The following NRXN3 variants were observed in gnomAD, a reference collection of about 807,000 sequenced individuals.
The protein encoded by NRXN3 is neurexin 3.
In NRXN3, 32 loss-of-function variants were observed where a neutral mutation model predicts 137.6. That is an observed-to-expected ratio of 0.23 (90% confidence interval 0.18 to 0.31). The LOEUF (loss-of-function observed/expected upper bound fraction) is 0.31. NRXN3 is among the 10% of genes least tolerant of loss of function. The pLI is 1.00. For missense variants in NRXN3, 1,574 were observed against 2,062.5 expected (o/e 0.76, Z 4.59); for synonymous variants, 798 against 784.5 (o/e 1.02, Z -0.29).
At chr14:79,379,821 C>T (rs894197351) in intron 15 of NRXN3, among the ~76,000 whole-genome samples, 1 of 152,158 alleles carries the variant, frequency 6.6e-6, no homozygotes, top group Admixed American at 6.5e-5. Context: ...TTTCCAATTT[C>T]TGCCAATAAA....
intron 15 of NRXN3, among the ~76,000 whole-genome samples, chr14:79,013,627 T>C (rs1234004779): frequency 6.6e-6 from 1 of 152,204 alleles, no homozygotes; most frequent in African/African-American, 2.4e-5. Flanking sequence ...GACTTTGCTT[T>C]CCCTTTAATA....
At chr14:78,687,443 T>G (rs570619594) in intron 6 of NRXN3, among the ~76,000 whole-genome samples, 1 of 152,252 alleles carries the variant, frequency 6.6e-6, no homozygotes, top group African/African-American at 2.4e-5. Flanking sequence ...TGGGATATAT[T>G]TTGGAGGTAG....
At chr14:79,169,595 C>G (rs1039406885) in intron 15 of NRXN3, among the ~76,000 whole-genome samples, 3 of 152,142 alleles carry the variant, frequency 2.0e-5, no homozygotes, top group African/African-American at 7.2e-5. Flanking sequence ...TTCATTTCAA[C>G]TTAGCCTATC....
chr14:78,525,362 G>A (rs2096361910), intron 4 of NRXN3, among the ~76,000 whole-genome samples: 3 of 152,136 alleles, frequency 2.0e-5, no homozygotes, highest in Admixed American at 2.0e-4. Context: ...ATAAGCATTG[G>A]CCCCCATGCC....
At chr14:78,494,343 G>C (rs558489624) in intron 4 of NRXN3, among the ~76,000 whole-genome samples, 43 of 151,434 alleles carry the variant, frequency 2.8e-4, no homozygotes, top group African/African-American at 1.0e-3. Flanking sequence ...TAATCACTTA[G>C]AAACCCATAT....
At chr14:79,490,470 G>T (rs563077575) in intron 16 of NRXN3, among the ~76,000 whole-genome samples, 5 of 152,100 alleles carry the variant, frequency 3.3e-5, no homozygotes, top group Non-Finnish European at 7.4e-5. Context: ...ACACAATGGA[G>T]TACTATTCAG....
chr14:78,882,656 AACTT>A (rs2099132516), intron 10 of NRXN3, among the ~76,000 whole-genome samples: 1 of 151,626 alleles, frequency 6.6e-6, no homozygotes, highest in Non-Finnish European at 1.5e-5. Flanking sequence ...GGAAGTAACT[AACTT>A]CTTTTATTTT....
At chr14:78,859,058 A>AG (rs145855802) in intron 10 of NRXN3, among the ~76,000 whole-genome samples, 3,279 of 152,178 alleles carry the variant, frequency 0.022, 130 homozygotes, top group African/African-American at 0.075. Flanking sequence ...ATTAAATCAC[A>AG]GGGGGGCGGT....
At chr14:79,804,963 C>T in intron 19 of NRXN3, 149 bp from the exon 20 acceptor site, 1 of 588,820 alleles carries the variant, frequency 1.7e-6, no homozygotes, top group East Asian at 2.9e-5. Context: ...AATTCTTCAT[C>T]CTACGGTATG....
In NRXN3 at chr14:78,474,507, A is replaced by ACCATGCAGTGGTAGCT. The variant is rs1555551251; in HGVS notation, c.758-170613_758-170612insCCATGCAGTGGTAGCT. On this transcript the variant is annotated intron_variant, in intron 4 of 20. Transcript: ENST00000335750. Reference sequence around the variant, plus strand: ...GGAACCCACTGTGCTGGCTCAACTTATCAAGTTATGTGGGGTGAGAATTAT... The same window carrying ACCATGCAGTGGTAGCT: ...GGAACCCACTGTGCTGGCTCAACTTACCATGCAGTGGTAGCTTCAAGTTATGTGGGGTGAGAATTAT... 5.3e-5 allele frequency among the ~76,000 whole-genome samples: 8 copies of ACCATGCAGTGGTAGCT among 152,136 alleles called. No individual in the cohort carries two copies. In the South Asian group the frequency reaches 8.3e-4, roughly 16 times the overall value.
intron 4 of NRXN3, among the ~76,000 whole-genome samples, chr14:78,587,067 C>T (rs2097071457): frequency 6.6e-6 from 1 of 152,190 alleles, no homozygotes; most frequent in African/African-American, 2.4e-5. Flanking sequence ...TCTAAAGATT[C>T]TGTGTCCAAA....
chr14:79,708,996 A>G (rs575525580), intron 19 of NRXN3, among the ~76,000 whole-genome samples: 1 of 152,164 alleles, frequency 6.6e-6, no homozygotes, highest in East Asian at 1.9e-4. Flanking sequence ...AGAGAGAGAG[A>G]GAGACAGGGA....
At chr14:78,943,615 AAAAAAAATATATATATATAT>A (rs2099357824) in intron 10 of NRXN3, among the ~76,000 whole-genome samples, 1 of 42,498 alleles carries the variant, frequency 2.4e-5, no homozygotes, top group Admixed American at 2.7e-4. Flanking sequence ...ACTGTTAAAA[AAAAAAAATATATATATATAT>A]ATATATATAT....
intron 15 of NRXN3, among the ~76,000 whole-genome samples, chr14:79,276,438 T>C (rs1320549235): frequency 6.6e-6 from 1 of 152,162 alleles, no homozygotes; most frequent in Non-Finnish European, 1.5e-5. Flanking sequence ...CTTCTCAGTA[T>C]TTAACTGTGT....
intron 8 of NRXN3, among the ~76,000 whole-genome samples, chr14:78,763,540 A>G (rs945143853): frequency 5.3e-5 from 8 of 152,018 alleles, no homozygotes; most frequent in African/African-American, 1.7e-4. Flanking sequence ...CTAAATACCA[A>G]GCACTGTGTT....
intron 17 of NRXN3, among the ~76,000 whole-genome samples, chr14:79,675,373 C>T (rs144775592): frequency 6.6e-6 from 1 of 152,120 alleles, no homozygotes; most frequent in African/African-American, 2.4e-5. Flanking sequence ...CTACTATAGA[C>T]AATACATAAA....
intron 16 of NRXN3, among the ~76,000 whole-genome samples, chr14:79,656,530 A>G (rs184227297): frequency 1.3e-5 from 2 of 151,876 alleles, no homozygotes; most frequent in Admixed American, 6.6e-5. Flanking sequence ...ATTTACTTGC[A>G]TCGGCTGTCT....
chr14:78,198,860 T>C (rs2061441145), intron 1 of NRXN3, among the ~76,000 whole-genome samples: 1 of 152,222 alleles, frequency 6.6e-6, no homozygotes, highest in South Asian at 2.1e-4. Context: ...GTTCTTTTCC[T>C]ATAGCTTGAG....
chr14:79,340,187 G>GTA (rs1427788536), intron 15 of NRXN3, among the ~76,000 whole-genome samples: 4 of 149,702 alleles, frequency 2.7e-5, no homozygotes, highest in African/African-American at 7.3e-5. Flanking sequence ...GTGTGTGTGT[G>GTA]TGTATGTGTG....
Sources: allele counts gnomAD v4.1 joint callset (sites outside exome capture counted in the v4.1 genomes callset), GRCh38; gene constraint gnomAD v4.1.1; transcripts MANE v1.5; gene names NCBI Gene and HGNC (gene_info 2026-07-23, HGNC 2026-07-21).